Variants in GPC6 observed in about 807,000 individuals in gnomAD.
GPC6 encodes glypican-6.
GPC6 carries 14 observed loss-of-function variants against 55.2 expected under a neutral mutation model. The observed-to-expected ratio is 0.25, with a 90% CI of 0.17 to 0.40. GPC6 has a LOEUF of 0.40. Among genes scored for constraint, GPC6 ranks in the 10% least tolerant of loss-of-function variants. The probability of loss-of-function intolerance (pLI) is 1.00; values close to 1 mark genes in which losing one functional copy is unlikely to be tolerated. For missense variants in GPC6, 641 were observed against 708.5 expected (o/e 0.90, Z 1.08); for synonymous variants, 278 against 259.6 (o/e 1.07, Z -0.68).
chr13:93,611,606 C>A (rs1371632037), intron 2 of GPC6, among the ~76,000 whole-genome samples: 1 of 152,008 alleles, frequency 6.6e-6, no homozygotes, highest in Non-Finnish European at 1.5e-5. Flanking sequence ...CTGGATAGAT[C>A]CATGTTGATA....
chr13:93,915,152 C>T (rs1360782336), intron 3 of GPC6, among the ~76,000 whole-genome samples: 2 of 152,150 alleles, frequency 1.3e-5, no homozygotes, highest in Non-Finnish European at 2.9e-5. Flanking sequence ...TCTTTCTCTG[C>T]CAAACTAGTG....
chr13:93,898,966 T>TATAC lies in GPC6; in HGVS notation c.711+68422_711+68423insTACA, dbSNP rs1251225383. 2.2e-3 allele frequency among the ~76,000 whole-genome samples: 304 copies of TATAC among 137,082 alleles called. 1 individual carries two copies. The highest frequency in any genetic ancestry group is 4.8e-3 in the South Asian group (21 of 4,338). 89.9% of individuals were successfully genotyped at this position (137,082 alleles called of 152,430 possible). ...ATATATATATATATATATATATATATACACACACATATATATACATACATC... is the reference window on the plus strand; with the variant it reads ...ATATATATATATATATATATATATATATACACACACACATATATATACATACATC... On this transcript the variant is annotated intron_variant, in intron 3 of 8. Coordinates refer to ENST00000377047, the MANE Select transcript of GPC6 (RefSeq NM_005708.5).
intron 6 of GPC6, among the ~76,000 whole-genome samples, chr13:94,319,169 A>G (rs1168799268): frequency 2.0e-5 from 3 of 151,782 alleles, no homozygotes; most frequent in Non-Finnish European, 2.9e-5. Context: ...TTGTGGGTCA[A>G]TTGAGGATAT....
chr13:93,393,351 C>G (rs2762120), intron 1 of GPC6, among the ~76,000 whole-genome samples: 114,275 of 151,448 alleles, frequency 0.75, 45,218 homozygotes, highest in Non-Finnish European at 0.89. Flanking sequence ...TGTTGGCCAG[C>G]CTAGTCTAGA....
At chr13:94,150,837 T>TATATA (rs1555301323) in intron 4 of GPC6, among the ~76,000 whole-genome samples, 3 of 144,450 alleles carry the variant, frequency 2.1e-5, no homozygotes, top group South Asian at 2.3e-4. Context: ...TATATGTTTA[T>TATATA]TGAATGAGTA....
At chr13:93,468,645 A>G (rs1321973517) in intron 1 of GPC6, among the ~76,000 whole-genome samples, 5 of 152,268 alleles carry the variant, frequency 3.3e-5, no homozygotes, top group Middle Eastern at 3.4e-3. Context: ...ATATTCAGCA[A>G]TGCACACAGC....
intron 1 of GPC6, among the ~76,000 whole-genome samples, chr13:93,274,794 T>G (rs2094981171): frequency 6.6e-6 from 1 of 152,230 alleles, no homozygotes; most frequent in South Asian, 2.1e-4. Flanking sequence ...TTTGAAATTT[T>G]CTGAATGAGT....
chr13:93,561,649 G>T lies in GPC6; in HGVS notation c.319+16228G>T, dbSNP rs1047791841. On this transcript the variant is annotated intron_variant, in intron 2 of 8. Coordinates refer to ENST00000377047, the MANE Select transcript of GPC6 (RefSeq NM_005708.5). ...GATCATTTGTAGGAAGCTAAGTCATGCTGGGTGCTCATTGATAACTTAGAA... is the reference window on the plus strand; with the variant it reads ...GATCATTTGTAGGAAGCTAAGTCATTCTGGGTGCTCATTGATAACTTAGAA... 2.0e-5 allele frequency among the ~76,000 whole-genome samples: 3 copies of T among 151,950 alleles called. 1 individual carries two copies. The highest frequency in any genetic ancestry group is 7.3e-5 in the African/African-American group (3 of 41,350).
chr13:93,998,308 T>G (rs1455762168), intron 3 of GPC6, among the ~76,000 whole-genome samples: 1 of 152,216 alleles, frequency 6.6e-6, no homozygotes. Context: ...TGTAAGTTTA[T>G]ATAATTTAAT....
chr13:93,295,245 C>T (rs1479493922), intron 1 of GPC6, among the ~76,000 whole-genome samples: 38 of 128,260 alleles, frequency 3.0e-4, no homozygotes, highest in Admixed American at 2.8e-4. Flanking sequence ...AGACAGTGGT[C>T]GTGCCATTGC....
chr13:94,343,100 C>T (rs1251724945), intron 6 of GPC6, among the ~76,000 whole-genome samples: 2 of 152,192 alleles, frequency 1.3e-5, no homozygotes, highest in Non-Finnish European at 2.9e-5. Flanking sequence ...TGCCAGATTA[C>T]ATTTCCCCCA....
At chr13:93,967,938 A>G (rs1219331079) in intron 3 of GPC6, among the ~76,000 whole-genome samples, 1 of 152,182 alleles carries the variant, frequency 6.6e-6, no homozygotes, top group Non-Finnish European at 1.5e-5. Flanking sequence ...ACATAATCTA[A>G]TAGGTAATCC....
At chr13:93,935,713 A>G (rs1343501187) in intron 3 of GPC6, among the ~76,000 whole-genome samples, 2 of 152,202 alleles carry the variant, frequency 1.3e-5, no homozygotes, top group Admixed American at 6.5e-5. Flanking sequence ...CAGACTGTGA[A>G]GCAGCCTGTC....
chr13:93,983,024 G>T (rs1273895217), intron 3 of GPC6, among the ~76,000 whole-genome samples: 1 of 152,118 alleles, frequency 6.6e-6, no homozygotes, highest in African/African-American at 2.4e-5. Context: ...TGAGGCTGGA[G>T]TTTTTGTCGT....
chr13:94,343,968 T>C (rs1444778771), intron 6 of GPC6, among the ~76,000 whole-genome samples: 1 of 152,174 alleles, frequency 6.6e-6, no homozygotes, highest in Non-Finnish European at 1.5e-5. Flanking sequence ...TGGGCTCAAG[T>C]GAGCCTCCCG....
intron 4 of GPC6, among the ~76,000 whole-genome samples, chr13:94,186,071 A>AAAAAAC (rs1889175952): frequency 6.6e-6 from 1 of 151,096 alleles, no homozygotes; most frequent in South Asian, 2.1e-4. Context: ...AAAAAAAAAA[A>AAAAAAC]AAAAAAAAAG....
At chr13:93,640,917 T>C (rs536774613) in intron 2 of GPC6, among the ~76,000 whole-genome samples, 4 of 151,114 alleles carry the variant, frequency 2.6e-5, no homozygotes, top group African/African-American at 9.8e-5. Context: ...CCTTTTTTTC[T>C]CTTTCCGTTT....
intron 4 of GPC6, among the ~76,000 whole-genome samples, chr13:94,168,950 T>C (rs986147361): frequency 6.6e-6 from 1 of 152,072 alleles, no homozygotes; most frequent in African/African-American, 2.4e-5. Context: ...CCGGAAGGCA[T>C]TACCCTCCGT....
chr13:94,266,238 G>A (rs1161346372), intron 4 of GPC6, among the ~76,000 whole-genome samples: 4 of 150,714 alleles, frequency 2.7e-5, no homozygotes, highest in South Asian at 4.2e-4. Context: ...GCACGATCTT[G>A]GCTCACTGCA....
Sources: gnomAD v4.1 joint callset for allele counts (sites outside exome capture counted in the v4.1 genomes callset) on GRCh38, gnomAD v4.1.1 for gene constraint, MANE v1.5 for transcripts, NCBI Gene and HGNC (gene_info 2026-07-23, HGNC 2026-07-21) for gene names.